The following RALGDS variants were observed in gnomAD, a reference collection of about 807,000 sequenced individuals.
RALGDS encodes ral guanine nucleotide dissociation stimulator.
Under a neutral mutation model 99.8 loss-of-function variants are expected in RALGDS, and 44 were observed. The ratio of observed to expected loss-of-function variants is 0.44; its 90% CI spans 0.35 to 0.57. The LOEUF is 0.57. RALGDS is among the 20% of genes least tolerant of loss of function. The probability of loss-of-function intolerance (pLI) is 0.01; values close to 1 mark genes in which losing one functional copy is unlikely to be tolerated. For synonymous variants in RALGDS, 529 were observed against 505.0 expected (o/e 1.05, Z -0.64); for missense variants, 1,022 against 1,203.1 (o/e 0.85, Z 2.23).
In RALGDS at chr9:133,101,429, T is replaced by C. The variant is rs1260877037; in HGVS notation, c.2454+91A>G. ...CTGTCCTTCCCCGCCAACTACAAGGTAGACCCCGGGAGGGCAGGGATGGTG... is the reference window on the plus strand; with the variant it reads ...CTGTCCTTCCCCGCCAACTACAAGGCAGACCCCGGGAGGGCAGGGATGGTG... On this transcript the variant is annotated intron_variant, in intron 16 of 17. Transcript: ENST00000372050. 1.9e-6 allele frequency: 3 copies of C among 1,597,908 alleles called. No homozygotes were observed. In the Admixed American group the frequency reaches 5.0e-5, roughly 27 times the overall value.
At chr9:133,140,668 C>A (rs557827113) in intron 1 of RALGDS, among the ~76,000 whole-genome samples, 1 of 145,174 alleles carries the variant, frequency 6.9e-6, no homozygotes, top group East Asian at 2.1e-4. Flanking sequence ...GGGAGGCCAA[C>A]GTGGGGGAGG....
intron 1 of RALGDS, among the ~76,000 whole-genome samples, chr9:133,147,469 GC>G (rs1010406040): frequency 2.6e-5 from 4 of 152,154 alleles, no homozygotes; most frequent in Non-Finnish European, 5.9e-5. Context: ...GCCCAACGCT[GC>G]CCCCCCACAA....
At chr9:133,137,534 C>T (rs1363480734) in intron 1 of RALGDS, among the ~76,000 whole-genome samples, 1 of 152,230 alleles carries the variant, frequency 6.6e-6, no homozygotes, top group Non-Finnish European at 1.5e-5. Context: ...AAGGGCGGGG[C>T]GCCTCTGCTC....
intron 1 of RALGDS, among the ~76,000 whole-genome samples, chr9:133,140,899 C>G (rs1832510130): frequency 6.6e-6 from 1 of 152,188 alleles, no homozygotes; most frequent in Admixed American, 6.5e-5. Context: ...ACTGTCTGTG[C>G]TGCCCTCTGC....
upstream of RALGDS, among the ~76,000 whole-genome samples, chr9:133,131,352 C>A (rs1832329937): frequency 6.6e-6 from 1 of 151,970 alleles, no homozygotes; most frequent in Non-Finnish European, 1.5e-5. Flanking sequence ...GCCCTGAAAC[C>A]TACCTCCCTG....
At position 133,107,917 on chromosome 9, in the gene RALGDS, T is replaced by C. The variant is rs534025663; in HGVS notation, c.1197+71A>G. 2.6e-6 allele frequency: 4 copies of C among 1,567,312 alleles called. No individual in the cohort carries two copies. In the South Asian group the frequency reaches 4.5e-5, roughly 17 times the overall value. On this transcript the variant is annotated intron_variant, in intron 6 of 17. Coordinates refer to ENST00000372050, the MANE Select transcript of RALGDS (RefSeq NM_006266.4). ...AGAACATCAGCTCTGGATCAGCAAA[T>C]GGTAGGTCTGGGACAGCAGATGCTG...
chr9:133,102,035 T>A lies in RALGDS; in HGVS notation c.2114A>T (p.Asp705Val). Reference sequence around the variant, plus strand: ...GCCGGCCGAGTGCACGCTGAGCGCGTCAGCGATGTCCCCGCTGCTGAGGTA... The same window carrying A: ...GCCGGCCGAGTGCACGCTGAGCGCGACAGCGATGTCCCCGCTGCTGAGGTA... ...GPYLSSGDIA[D>V]ALSVHSAGSS... is the part of the protein sequence containing the mutation. Residue 705 changes from aspartate to valine, a missense_variant, in exon 15 of 18, where the codon GAC becomes GTC. Asp to Val is a radical substitution (Grantham distance 152). Transcript: ENST00000372050. 6.4e-7 allele frequency: 1 copy of A among 1,556,986 alleles called. No homozygotes were observed. Among genetic ancestry groups the A allele is most frequent in the Non-Finnish European group, 8.7e-7 (1 of 1,149,952 alleles).
chr9:133,148,351 TC>T (rs1001866398), intron 1 of RALGDS, among the ~76,000 whole-genome samples: 7 of 152,134 alleles, frequency 4.6e-5, no homozygotes, highest in Admixed American at 3.3e-4. Context: ...CCCAGACAGA[TC>T]CTGGGAACCT....
chr9:133,112,347 A>G (rs1831389112), intron 1 of RALGDS, among the ~76,000 whole-genome samples, 195 bp from the exon 2 acceptor site: 1 of 152,052 alleles, frequency 6.6e-6, no homozygotes, highest in African/African-American at 2.4e-5. Flanking sequence ...CAACCCGGCC[A>G]GCCACGACCT....
At position 133,098,292 on chromosome 9, in the gene RALGDS, G is replaced by A. The variant is rs186920293; in HGVS notation, c.*295C>T. ...TGTCAGGGAAGTGTACAGAGGTGGCGCCCGGGGGCAGGCAGGGCACCATGC... is the reference window on the plus strand; with the variant it reads ...TGTCAGGGAAGTGTACAGAGGTGGCACCCGGGGGCAGGCAGGGCACCATGC... On this transcript the variant is annotated 3_prime_UTR_variant, in exon 18 of 18. Transcript: ENST00000372050. 873 of 481,438 alleles carry A rather than the reference G, an allele frequency of 1.8e-3. 5 individuals carry two copies. The highest frequency in any genetic ancestry group is 0.013 in the African/African-American group (700 of 52,044). The allele number at this position is 481,438 out of a possible 1,614,324, so 29.8% of individuals were successfully genotyped here. A position where few individuals can be genotyped will look rare whatever the true frequency, so the allele number is the denominator to read the frequency against.
chr9:133,130,079 C>A (rs1272946710), intron 1 of RALGDS, among the ~76,000 whole-genome samples: 1 of 152,186 alleles, frequency 6.6e-6, no homozygotes, highest in Non-Finnish European at 1.5e-5. Context: ...TCAAGCGATT[C>A]TCCTGCCTCA....
chr9:133,100,122 C>T (rs867067778), intron 17 of RALGDS, 146 bp downstream of exon 17: 2 of 789,890 alleles, frequency 2.5e-6, no homozygotes, highest in African/African-American at 3.4e-5. Context: ...AGCAAGCAGA[C>T]AATGGGGGCA....
intron 1 of RALGDS, among the ~76,000 whole-genome samples, chr9:133,114,631 C>T (rs1177898493): frequency 2.0e-5 from 3 of 152,204 alleles, no homozygotes; most frequent in Non-Finnish European, 4.4e-5. Flanking sequence ...GAGCTCAGAG[C>T]GGGAGGAGCA....
chr9:133,128,985 G>A (rs1564250355), intron 1 of RALGDS, among the ~76,000 whole-genome samples: 1 of 152,194 alleles, frequency 6.6e-6, no homozygotes, highest in South Asian at 2.1e-4. Flanking sequence ...ACCCGAGATG[G>A]GAGATGAAGA....
At chr9:133,135,033 G>A (rs1456686723), upstream of RALGDS, among the ~76,000 whole-genome samples, 6 of 152,098 alleles carry the variant, frequency 3.9e-5, no homozygotes, top group Admixed American at 3.3e-4. Flanking sequence ...TTATCCTCAC[G>A]GTGCCCTTCT....
intron 17 of RALGDS, chr9:133,099,000 C>T (rs1195677843): frequency 5.4e-5 from 28 of 519,322 alleles, no homozygotes; most frequent in African/African-American, 9.6e-5. Context: ...CAGAACCCCC[C>T]GGCTTGGCCT....
intron 2 of RALGDS, among the ~76,000 whole-genome samples, 164 bp from the exon 3 acceptor site, chr9:133,110,653 T>C (rs1162544139): frequency 6.6e-6 from 1 of 152,178 alleles, no homozygotes; most frequent in East Asian, 1.9e-4. Context: ...AGGCCAGGTG[T>C]GGTGGCTCAC....
At chr9:133,129,514 G>A (rs1251368776) in intron 1 of RALGDS, 27 of 1,206,888 alleles carry the variant, frequency 2.2e-5, no homozygotes, top group Non-Finnish European at 1.7e-5. Flanking sequence ...AGCCGAGGAC[G>A]AGTGGAGAGG....
At chr9:133,121,459 C>T (rs1014885855), upstream of RALGDS, among the ~76,000 whole-genome samples, 4 of 152,106 alleles carry the variant, frequency 2.6e-5, no homozygotes, top group African/African-American at 9.6e-5. Context: ...TCGAGGGGTG[C>T]GCGTTGGCTG....
Sources: allele counts gnomAD v4.1 joint callset (sites outside exome capture counted in the v4.1 genomes callset), GRCh38; gene constraint gnomAD v4.1.1; transcripts MANE v1.5; gene names NCBI Gene and HGNC (gene_info 2026-07-23, HGNC 2026-07-21).